SVIL: variants seen among roughly 807,000 people sequenced by gnomAD.
SVIL encodes the protein archvillin.
In SVIL, 101 loss-of-function variants were observed where a neutral mutation model predicts 240.4. That is an observed-to-expected ratio of 0.42 (90% CI 0.36 to 0.50). The LOEUF is 0.50. SVIL is among the 20% of genes least tolerant of loss of function. The pLI is 0.01. For synonymous variants in SVIL, 999 were observed against 1,100.0 expected, an observed-to-expected ratio of 0.91 and a Z score of 1.82; for missense variants, 2,512 against 2,818.7, an observed-to-expected ratio of 0.89 and a Z score of 2.46.
chr10:29,716,040 T>C (rs543992785), intron 1 of SVIL, among the ~76,000 whole-genome samples: 1 of 152,280 alleles, frequency 6.6e-6, no homozygotes, highest in Non-Finnish European at 1.5e-5. Context: ...CATTTTACTT[T>C]AAATACTATA....
intron 15 of SVIL, 58 bp downstream of exon 15, chr10:29,523,393 T>C (rs760020202): frequency 6.8e-7 from 1 of 1,480,170 alleles, no homozygotes; most frequent in Non-Finnish European, 9.1e-7. Flanking sequence ...ACAGGACAAA[T>C]CAAGCAGAAA....
chr10:29,552,299 A>G (rs1237566143), intron 5 of SVIL, among the ~76,000 whole-genome samples: 1 of 152,154 alleles, frequency 6.6e-6, no homozygotes, highest in Non-Finnish European at 1.5e-5. Flanking sequence ...CTGTAATCCT[A>G]GCACTTTGGG....
intron 26 of SVIL, among the ~76,000 whole-genome samples, 192 bp from the exon 27 acceptor site, chr10:29,485,023 C>T (rs530996331): frequency 3.1e-3 from 478 of 152,130 alleles, no homozygotes; most frequent in African/African-American, 0.011. Flanking sequence ...CTCTGCCCTG[C>T]GGGCACGATT....
At chr10:29,689,266 A>C (rs773086110) in intron 1 of SVIL, among the ~76,000 whole-genome samples, 5 of 151,786 alleles carry the variant, frequency 3.3e-5, no homozygotes, top group Non-Finnish European at 5.9e-5. Flanking sequence ...TATCTCCCCG[A>C]CTCATGAGTC....
At chr10:29,726,232 T>C (rs1964282301) in intron 1 of SVIL, among the ~76,000 whole-genome samples, 1 of 152,158 alleles carries the variant, frequency 6.6e-6, no homozygotes, top group Non-Finnish European at 1.5e-5. Context: ...CCCACATATA[T>C]CTTTTATATC....
At chr10:29,626,947 C>T (rs1957896944) in intron 1 of SVIL, among the ~76,000 whole-genome samples, 1 of 152,054 alleles carries the variant, frequency 6.6e-6, no homozygotes, top group Non-Finnish European at 1.5e-5. Context: ...TGGTGTGAAC[C>T]CGGGAGGCGG....
intron 1 of SVIL, among the ~76,000 whole-genome samples, chr10:29,711,097 A>C (rs891491235): frequency 6.6e-6 from 1 of 152,224 alleles, no homozygotes; most frequent in African/African-American, 2.4e-5. Context: ...CAAAAAAACA[A>C]ACCAATAAAA....
chr10:29,694,484 G>A (rs1023817867), intron 1 of SVIL, among the ~76,000 whole-genome samples: 1 of 151,642 alleles, frequency 6.6e-6, no homozygotes, highest in African/African-American at 2.4e-5. Flanking sequence ...TTCTGAGATC[G>A]AGTTTTACTC....
intron 3 of SVIL, among the ~76,000 whole-genome samples, chr10:29,559,154 C>T (rs984617786): frequency 6.6e-6 from 1 of 151,910 alleles, no homozygotes; most frequent in Non-Finnish European, 1.5e-5. Context: ...TACAGTTCTA[C>T]CAAAGTTGCC....
At chr10:29,492,013 A>T (rs1448568570) in intron 21 of SVIL, among the ~76,000 whole-genome samples, 1 of 152,198 alleles carries the variant, frequency 6.6e-6, no homozygotes, top group Non-Finnish European at 1.5e-5. Context: ...AGAAAATGGT[A>T]TATGTCACTG....
chr10:29,516,261 C>G (rs955239892), intron 16 of SVIL, among the ~76,000 whole-genome samples: 1 of 152,180 alleles, frequency 6.6e-6, no homozygotes, highest in Non-Finnish European at 1.5e-5. Context: ...TTGGGGACTT[C>G]CGAAGACTAC....
At chr10:29,727,772 A>G (rs978472271) in intron 1 of SVIL, among the ~76,000 whole-genome samples, 1 of 151,800 alleles carries the variant, frequency 6.6e-6, no homozygotes, top group Admixed American at 6.6e-5. Context: ...AGTCACAAAA[A>G]GAGCAATATT....
chr10:29,588,261 A>G (rs1332655434), intron 1 of SVIL, among the ~76,000 whole-genome samples: 5 of 151,842 alleles, frequency 3.3e-5, no homozygotes, highest in African/African-American at 9.7e-5. Context: ...AATAGTCAGC[A>G]AACCACCAGT....
At chr10:29,597,669 G>A (rs1440192573) in intron 1 of SVIL, among the ~76,000 whole-genome samples, 1 of 152,012 alleles carries the variant, frequency 6.6e-6, no homozygotes, top group African/African-American at 2.4e-5. Flanking sequence ...CAAAGTGCTG[G>A]GATTACAGGC....
At chr10:29,594,226 C>G (rs1956495781) in intron 1 of SVIL, among the ~76,000 whole-genome samples, 1 of 151,708 alleles carries the variant, frequency 6.6e-6, no homozygotes, top group African/African-American at 2.4e-5. Context: ...AGTCCTGTCC[C>G]CAAGATATCT....
intron 1 of SVIL, among the ~76,000 whole-genome samples, chr10:29,607,718 C>G (rs1367880334): frequency 6.6e-6 from 1 of 152,148 alleles, no homozygotes; most frequent in Non-Finnish European, 1.5e-5. Flanking sequence ...AAAAGATGCC[C>G]CAAGGCCCAG....
intron 3 of SVIL, among the ~76,000 whole-genome samples, chr10:29,556,080 C>T (rs907381587): frequency 5.3e-5 from 8 of 152,326 alleles, no homozygotes; most frequent in African/African-American, 1.9e-4. Flanking sequence ...AGAACAAACG[C>T]TGTGCTGAGG....
At chr10:29,566,996 C>T (rs1039876451) in intron 2 of SVIL, among the ~76,000 whole-genome samples, 1 of 152,140 alleles carries the variant, frequency 6.6e-6, no homozygotes, top group Non-Finnish European at 1.5e-5. Flanking sequence ...TTAGTGCTGT[C>T]CACTTCATTT....
At chr10:29,615,595 A>AT (rs1184056031) in intron 1 of SVIL, among the ~76,000 whole-genome samples, 7 of 152,180 alleles carry the variant, frequency 4.6e-5, no homozygotes, top group Non-Finnish European at 1.0e-4. Context: ...CACAAAGCAA[A>AT]TTTTCACTAG....
Sources: allele counts gnomAD v4.1 joint callset (sites outside exome capture counted in the v4.1 genomes callset), GRCh38; gene constraint gnomAD v4.1.1; transcripts MANE v1.5; gene names NCBI Gene and HGNC (gene_info 2026-07-23, HGNC 2026-07-21).